PLAAT3: variants seen among roughly 807,000 people sequenced by gnomAD.
PLAAT3 encodes phospholipase A and acyltransferase 3.
PLAAT3 carries 21 observed loss-of-function variants against 16.7 expected under a neutral mutation model. That is an observed-to-expected ratio of 1.26 (90% CI 0.89 to 1.81). The LOEUF is 1.81. PLAAT3 is among the 40% of genes most tolerant of loss of function. The pLI, the probability that PLAAT3 is intolerant of heterozygous loss-of-function variation, is 0.00. For synonymous variants in PLAAT3, 76 were observed against 81.7 expected (o/e 0.93, Z 0.38); for missense variants, 219 against 213.7 (o/e 1.02, Z -0.16).
chr11:63,588,977 C>CAAAAAAA (rs58090843), intron 4 of PLAAT3, among the ~76,000 whole-genome samples: 1 of 46,890 alleles, frequency 2.1e-5, no homozygotes, highest in Non-Finnish European at 4.3e-5. Flanking sequence ...ATGAGCCAAG[C>CAAAAAAA]AAAAAAAAAA....
chr11:63,613,733 C>T (rs1327284168), intron 2 of PLAAT3, among the ~76,000 whole-genome samples: 1 of 151,374 alleles, frequency 6.6e-6, no homozygotes, highest in Non-Finnish European at 1.5e-5. Context: ...CTGCCCTGGC[C>T]ACCTCCCTCC....
At chr11:63,599,427 C>G (rs1288782250) in intron 2 of PLAAT3, among the ~76,000 whole-genome samples, 2 of 152,186 alleles carry the variant, frequency 1.3e-5, no homozygotes, top group African/African-American at 4.8e-5. Context: ...GACTCATCCT[C>G]GGCTGACCTC....
chr11:63,613,913 G>C (rs1000429992), intron 2 of PLAAT3, 87 bp downstream of exon 2: 1 of 836,110 alleles, frequency 1.2e-6, no homozygotes, highest in Non-Finnish European at 2.0e-6. Flanking sequence ...TCCTCTCTCG[G>C]AAGCAGTAAT....
chr11:63,599,854 G>A (rs957636535), intron 2 of PLAAT3, among the ~76,000 whole-genome samples: 2 of 152,170 alleles, frequency 1.3e-5, no homozygotes, highest in Admixed American at 6.5e-5. Flanking sequence ...GCTGCAGGTT[G>A]GAAAGAGATG....
At chr11:63,613,557 G>C (rs927195739) in intron 2 of PLAAT3, among the ~76,000 whole-genome samples, 1 of 152,266 alleles carries the variant, frequency 6.6e-6, no homozygotes, top group Non-Finnish European at 1.5e-5. Flanking sequence ...GAATCCCTCT[G>C]CTGCGGTCCG....
intron 4 of PLAAT3, among the ~76,000 whole-genome samples, chr11:63,586,873 CAGG>C (rs1443355351): frequency 6.6e-6 from 1 of 152,218 alleles, no homozygotes; most frequent in African/African-American, 2.4e-5. Context: ...CACTTGCAGT[CAGG>C]AGTTCCAGAC....
chr11:63,591,392 G>T (rs572264272), intron 3 of PLAAT3, among the ~76,000 whole-genome samples: 1 of 152,004 alleles, frequency 6.6e-6, no homozygotes, highest in Non-Finnish European at 1.5e-5. Context: ...AGGAAAAAAA[G>T]AAAAAGAAAA....
intron 4 of PLAAT3, among the ~76,000 whole-genome samples, chr11:63,581,960 T>C (rs879503191): frequency 2.0e-5 from 3 of 152,250 alleles, no homozygotes; most frequent in Non-Finnish European, 2.9e-5. Context: ...TAGAAAAGAA[T>C]GTCAATGCTT....
At chr11:63,607,644 T>G (rs926366020) in intron 2 of PLAAT3, among the ~76,000 whole-genome samples, 8 of 151,942 alleles carry the variant, frequency 5.3e-5, no homozygotes, top group Non-Finnish European at 7.4e-5. Flanking sequence ...GGTAGAGACA[T>G]AATTTAAACC....
chr11:63,586,830 T>C (rs1338344136), intron 4 of PLAAT3, among the ~76,000 whole-genome samples: 1 of 152,188 alleles, frequency 6.6e-6, no homozygotes, highest in Non-Finnish European at 1.5e-5. Flanking sequence ...ACGCCTGTAA[T>C]CTTAGCACTT....
intron 2 of PLAAT3, among the ~76,000 whole-genome samples, chr11:63,602,127 T>C (rs1217151624): frequency 6.7e-6 from 1 of 149,978 alleles, no homozygotes; most frequent in East Asian, 2.0e-4. Flanking sequence ...CCGTCTCTAC[T>C]AAAAATACAA....
rs552992993 is a variant in PLAAT3, at chr11:63,584,288, GC to G, written c.387+5811del. Among the ~76,000 whole-genome samples, 642 of 128,492 alleles carry G rather than the reference GC, an allele frequency of 5.0e-3. 6 individuals carry two copies. The highest frequency in any genetic ancestry group is 0.023 in the Middle Eastern group (5 of 218). The allele number at this position is 128,492 out of a possible 152,430, so 84.3% of individuals were successfully genotyped here. A position where few individuals can be genotyped will look rare whatever the true frequency, so the allele number is the denominator to read the frequency against. Reference sequence around the variant, plus strand: ...TTCATTGTGAGTATAGCTTCTGGTTGCTTTTTTTTTTTTTTTAAGTACTGTT... The same window carrying G: ...TTCATTGTGAGTATAGCTTCTGGTTGTTTTTTTTTTTTTTTAAGTACTGTT... On this transcript the variant is annotated intron_variant, in intron 4 of 4. Transcript: ENST00000415826.
intron 2 of PLAAT3, among the ~76,000 whole-genome samples, chr11:63,598,514 T>A (rs1031532091): frequency 2.0e-5 from 3 of 152,252 alleles, no homozygotes; most frequent in Non-Finnish European, 2.9e-5. Context: ...GCTCAATAAA[T>A]CCACACAACC....
At chr11:63,595,999 T>C (rs2134415362) in intron 3 of PLAAT3, among the ~76,000 whole-genome samples, 1 of 152,028 alleles carries the variant, frequency 6.6e-6, no homozygotes, top group African/African-American at 2.4e-5. Context: ...CCCAGCACTG[T>C]GGGAGGCCAA....
chr11:63,586,111 G>GGT (rs59038969), intron 4 of PLAAT3, among the ~76,000 whole-genome samples: 3,660 of 150,012 alleles, frequency 0.024, 132 homozygotes, highest in African/African-American at 0.08. Context: ...CAGCTACTTG[G>GGT]GTGTGTGTGT....
intron 4 of PLAAT3, among the ~76,000 whole-genome samples, chr11:63,575,894 T>A (rs1299248095): frequency 1.3e-5 from 2 of 152,210 alleles, no homozygotes; most frequent in Non-Finnish European, 2.9e-5. Flanking sequence ...CTTTAGCTGG[T>A]CCCTGAACCT....
intron 2 of PLAAT3, chr11:63,608,356 T>A (rs1490263046): frequency 6.6e-5 from 10 of 151,830 alleles, no homozygotes; most frequent in Admixed American, 6.6e-4. Flanking sequence ...CTAAGGGAGG[T>A]AACATCACCT....
At chr11:63,601,980 C>CAAA (rs71468636) in intron 2 of PLAAT3, among the ~76,000 whole-genome samples, 2,005 of 98,960 alleles carry the variant, frequency 0.02, 79 homozygotes, top group Non-Finnish European at 0.024. Flanking sequence ...AACTCTGTCT[C>CAAA]AAAAAAAAAA....
chr11:63,609,280 T>G (rs1446326669), intron 2 of PLAAT3, among the ~76,000 whole-genome samples: 2 of 152,142 alleles, frequency 1.3e-5, no homozygotes, highest in African/African-American at 2.4e-5. Context: ...AGAAAAGACT[T>G]CCCAGTTGGG....
Sources: allele counts gnomAD v4.1 joint callset (sites outside exome capture counted in the v4.1 genomes callset), GRCh38; gene constraint gnomAD v4.1.1; transcripts MANE v1.5; gene names NCBI Gene and HGNC (gene_info 2026-07-23, HGNC 2026-07-21).